ADAM22: variants seen among roughly 807,000 people sequenced by gnomAD.
ADAM22 encodes the protein ADAM metallopeptidase domain 22.
In ADAM22, 65 loss-of-function variants were observed where a neutral mutation model predicts 144.6. The observed-to-expected ratio is 0.45, with a 90% CI of 0.37 to 0.55. The LOEUF (loss-of-function observed/expected upper bound fraction) is 0.55, where lower values mean the gene tolerates loss of function less well. Among genes scored for constraint, ADAM22 ranks in the 20% least tolerant of loss-of-function variants. The pLI is 0.00. For missense variants in ADAM22, 974 were observed against 1,184.9 expected, an observed-to-expected ratio of 0.82 and a Z score of 2.61; for synonymous variants, 391 against 412.6, an observed-to-expected ratio of 0.95 and a Z score of 0.63.
intron 7 of ADAM22, among the ~76,000 whole-genome samples, chr7:88,117,032 A>G (rs1827930104): frequency 1.3e-5 from 2 of 152,230 alleles, no homozygotes; most frequent in South Asian, 4.1e-4. Flanking sequence ...AAATTTTAAA[A>G]TTAAAAATAA....
At chr7:88,100,664 T>C (rs1435361055) in intron 4 of ADAM22, among the ~76,000 whole-genome samples, 1 of 152,128 alleles carries the variant, frequency 6.6e-6, no homozygotes, top group Non-Finnish European at 1.5e-5. Context: ...AGACTTACTT[T>C]GTTATTTGTT....
intron 2 of ADAM22, among the ~76,000 whole-genome samples, chr7:87,963,842 G>T (rs536447310): frequency 6.6e-6 from 1 of 152,146 alleles, no homozygotes; most frequent in Non-Finnish European, 1.5e-5. Context: ...CAAGTTCAAT[G>T]AGCCTTTGAT....
Position 88,193,171 on chromosome 7 carries a change from A to T in ADAM22, c.2806A>T (p.Arg936Ter). 2.5e-6 allele frequency: 4 copies of T among 1,614,152 alleles called. No individual in the cohort carries two copies. Among genetic ancestry groups the T allele is most frequent in the Non-Finnish European group, 3.4e-6 (4 of 1,179,974 alleles). The change falls in exon 31 of 32, where the codon AGA becomes TGA. Residue 936 changes from arginine to a stop codon, truncating the protein, a stop_gained. Coordinates refer to ENST00000413139, the MANE Select transcript of ADAM22 (RefSeq NM_001324418.2). LOFTEE classifies it high-confidence loss of function. ...SSSTGSIASS[R>*]KYPYPMPPLP... ...ATCAACTGGGTCTATTGCCTCCAGCAGAAAATACCCTTACCCAATGCCTCC... is the reference window on the plus strand; with the variant it reads ...ATCAACTGGGTCTATTGCCTCCAGCTGAAAATACCCTTACCCAATGCCTCC...
rs185615012 is a variant in ADAM22, at chr7:88,031,095, G to A, written c.324-44531G>A. 2.1e-3 allele frequency among the ~76,000 whole-genome samples: 318 copies of A among 151,576 alleles called. 4 individuals are homozygous for A. The highest frequency in any genetic ancestry group is 1.2e-3 in the Non-Finnish European group (83 of 67,890). ...CGCGCCACTGCACTCCAGCCTGGGC[G>A]ACAGAGCAAGACTCCGTCTCAAAAA... On this transcript the variant is annotated intron_variant, in intron 3 of 31. Coordinates refer to ENST00000413139, the MANE Select transcript of ADAM22 (RefSeq NM_001324418.2).
At chr7:88,165,353 A>G (rs908807924) in intron 23 of ADAM22, among the ~76,000 whole-genome samples, 2 of 152,048 alleles carry the variant, frequency 1.3e-5, no homozygotes, top group African/African-American at 4.8e-5. Context: ...AGCCTTGTGG[A>G]ACTTTCTTCT....
chr7:87,982,699 A>ATAT (rs10527361), intron 3 of ADAM22, among the ~76,000 whole-genome samples: 8 of 62,940 alleles, frequency 1.3e-4, no homozygotes, highest in East Asian at 3.8e-4. Flanking sequence ...ATATATATAT[A>ATAT]ATTTTTTTTT....
chr7:88,117,495 G>A (rs1401749374), intron 7 of ADAM22, among the ~76,000 whole-genome samples: 2 of 152,182 alleles, frequency 1.3e-5, no homozygotes, highest in South Asian at 4.1e-4. Context: ...TCACATGACA[G>A]GAAGGGCAGT....
At chr7:88,032,954 C>T (rs968883821) in intron 3 of ADAM22, among the ~76,000 whole-genome samples, 7 of 152,212 alleles carry the variant, frequency 4.6e-5, no homozygotes, top group African/African-American at 1.7e-4. Context: ...GAAGCCTGTA[C>T]ACCCTGCAGA....
rs373497370 is a variant in ADAM22, at chr7:88,131,412, A to G, written c.969A>G (p.Lys323=). 11 of 1,613,656 alleles carry G rather than the reference A, an allele frequency of 6.8e-6. No individual in the cohort carries two copies. The highest frequency in any genetic ancestry group is 2.7e-5 in the African/African-American group (2 of 74,908). Residue 323 remains lysine, a synonymous_variant, in exon 11 of 32, where the codon AAA becomes AAG. Coordinates refer to ENST00000413139, the MANE Select transcript of ADAM22 (RefSeq NM_001324418.2). ...ACAGGAGGGATTTTATCAAAGAGAA[A>G]AGTGATGCAGTTCACCTTTTTTCGT... is the stretch of plus-strand genomic sequence containing the variant. ...MKYRRDFIKE[K]SDAVHLFSGS...
intron 5 of ADAM22, among the ~76,000 whole-genome samples, chr7:88,108,545 A>G (rs1825113912): frequency 6.6e-6 from 1 of 152,070 alleles, no homozygotes; most frequent in African/African-American, 2.4e-5. Flanking sequence ...CCCAGCCAAC[A>G]TGGTGAAACC....
chr7:88,168,504 T>A (rs991391227), intron 25 of ADAM22: 2 of 449,236 alleles, frequency 4.5e-6, no homozygotes, highest in Non-Finnish European at 8.6e-6. Flanking sequence ...TTGTAAAAAC[T>A]GGTAAGTTGT....
At chr7:87,935,600 G>GA (rs1841064126) in intron 2 of ADAM22, among the ~76,000 whole-genome samples, 2 of 152,124 alleles carry the variant, frequency 1.3e-5, no homozygotes, top group Middle Eastern at 3.2e-3. Flanking sequence ...GACACTGTAA[G>GA]AAAAAATTGG....
chr7:87,936,031 T>G (rs1841169486), intron 2 of ADAM22, among the ~76,000 whole-genome samples: 1 of 152,208 alleles, frequency 6.6e-6, no homozygotes, highest in African/African-American at 2.4e-5. Flanking sequence ...TACTTGAAAA[T>G]TTTTGTAAAC....
At chr7:88,065,224 A>G (rs1302299256) in intron 3 of ADAM22, among the ~76,000 whole-genome samples, 3 of 152,022 alleles carry the variant, frequency 2.0e-5, no homozygotes, top group Non-Finnish European at 4.4e-5. Flanking sequence ...CATTCTCTCT[A>G]TATAATTTTG....
chr7:87,995,338 G>A (rs1012697550), intron 3 of ADAM22, among the ~76,000 whole-genome samples: 1 of 152,150 alleles, frequency 6.6e-6, no homozygotes, highest in Non-Finnish European at 1.5e-5. Context: ...AAATTAGCCT[G>A]CAAACCCAAG....
rs555219537 is a variant in ADAM22, at chr7:88,201,720, A to G, written c.*5229A>G. The stretch of plus-strand genomic sequence containing the variant: ...CATTCCATGTTCCTACGTATCCTTG[A>G]AATCAAAACCAGGCAATATGTGTGT... On this transcript the variant is annotated 3_prime_UTR_variant, in exon 32 of 32. Transcript: ENST00000413139. 2 of 152,354 alleles carry G rather than the reference A, an allele frequency of 1.3e-5. No individual in the cohort carries two copies. The highest frequency in any genetic ancestry group is 4.1e-4 in the South Asian group (2 of 4,832). 9.4% of individuals were successfully genotyped at this position (152,354 alleles called of 1,614,324 possible).
At chr7:88,096,303 C>T (rs562595693) in intron 4 of ADAM22, among the ~76,000 whole-genome samples, 9 of 151,146 alleles carry the variant, frequency 6.0e-5, no homozygotes, top group Middle Eastern at 3.4e-3. Context: ...AATTTCTGCT[C>T]TTACTTTTGT....
intron 2 of ADAM22, among the ~76,000 whole-genome samples, chr7:87,941,301 G>A (rs767752574): frequency 3.3e-5 from 5 of 152,162 alleles, no homozygotes; most frequent in Non-Finnish European, 7.3e-5. Context: ...CAGCAAGATG[G>A]CAAGCAGTAG....
chr7:88,082,178 C>T (rs4374915), intron 4 of ADAM22, among the ~76,000 whole-genome samples: 84,204 of 151,690 alleles, frequency 0.56, 24,451 homozygotes, highest in East Asian at 0.87. Flanking sequence ...TCAGAAATAA[C>T]GCCGCATATC....
Sources: allele counts gnomAD v4.1 joint callset (sites outside exome capture counted in the v4.1 genomes callset), GRCh38; gene constraint gnomAD v4.1.1; transcripts MANE v1.5; gene names NCBI Gene and HGNC (gene_info 2026-07-23, HGNC 2026-07-21).